PPRC1: variants seen among roughly 807,000 people sequenced by gnomAD.
PPRC1 encodes the protein peroxisome proliferator-activated receptor gamma coactivator-related protein 1.
Under a neutral mutation model 132.5 loss-of-function variants are expected in PPRC1, and 23 were observed. The ratio of observed to expected loss-of-function variants is 0.17; its 90% CI spans 0.12 to 0.25. The LOEUF is 0.25. PPRC1 is among the 10% of genes least tolerant of loss of function. The pLI, the probability that PPRC1 is intolerant of heterozygous loss-of-function variation, is 1.00. For synonymous variants in PPRC1, 872 were observed against 833.5 expected, an observed-to-expected ratio of 1.05 and a Z score of -0.80; for missense variants, 2,006 against 2,089.1, an observed-to-expected ratio of 0.96 and a Z score of 0.78.
At chr10:102,123,297 G>A in the PPRC1 span, among the ~76,000 whole-genome samples, 3 of 152,126 alleles carry the variant, frequency 2.0e-5, no homozygotes, top group Non-Finnish European at 4.4e-5. Flanking sequence ...CATCTTTGGA[G>A]CATCTCTGGG....
intron 5 of PPRC1, 51 bp downstream of exon 5, chr10:102,142,055 C>G (rs937711489): frequency 1.9e-6 from 3 of 1,539,122 alleles, no homozygotes; most frequent in Non-Finnish European, 2.6e-6. Flanking sequence ...CTGGGGGACT[C>G]TAGAATAGGA....
intron 1 of PPRC1, 71 bp from the exon 2 acceptor site, chr10:102,137,779 C>T (rs1472833425): frequency 2.1e-5 from 31 of 1,459,280 alleles, no homozygotes; most frequent in Non-Finnish European, 2.9e-5. Context: ...TGGAGGGTAC[C>T]TGATTTATGG....
chr10:102,146,906 C>G lies in PPRC1; in HGVS notation c.3914C>G (p.Pro1305Arg). The change falls in exon 9 of 14, where the codon CCC becomes CGC. Residue 1305 changes from proline (P) to arginine (R), a missense_variant. Around this residue, in one of 2 missense-constraint regions of PPRC1, gnomAD observed 1,914 missense variants for 1,917.2 expected, o/e 1.00. Coordinates refer to ENST00000278070, the MANE Select transcript of PPRC1 (RefSeq NM_015062.5). ...GACTATTGTGTCCGGAGCAGGACCC[C>G]CCCAAAAAAGATGCCTGCCCTAGTC... is the stretch of plus-strand genomic sequence containing the variant. ...DHDYCVRSRT[P>R]PKKMPALVIP... 1.9e-6 allele frequency: 3 copies of G among 1,614,050 alleles called. No individual in the cohort carries two copies. The highest frequency in any genetic ancestry group is 2.5e-6 in the Non-Finnish European group (3 of 1,179,988).
In PPRC1 at chr10:102,141,706, G is replaced by C. The variant is rs147391687; in HGVS notation, c.3198G>C (p.Pro1066=). ...EVKPVPASPH[P]KHKVSALVQS... ...AGCCAGTGCCTGCATCTCCCCATCC[G>C]AAACACAAGGTGTCTGCCCTGGTGC... The change falls in exon 5 of 14, where the codon CCG becomes CCC. Residue 1066 remains proline, a synonymous_variant. Transcript: ENST00000278070. The C allele has an allele frequency of 6.2e-7, 1 of 1,613,888 alleles. No homozygotes were observed. Among genetic ancestry groups the C allele is most frequent in the East Asian group, 2.2e-5 (1 of 44,874 alleles).
rs1002796581 is a variant in PPRC1 at position 102,140,283 on chromosome 10, C to T, written c.1775C>T (p.Ala592Val). 5 of 1,614,228 alleles carry T rather than the reference C, an allele frequency of 3.1e-6. No individual in the cohort carries two copies. The highest frequency in any genetic ancestry group is 3.4e-6 in the Non-Finnish European group (4 of 1,180,036). ...CCCATGCCAGTTGACTCTGTTGAAGCTGATCCCACTGCAGTTGGCCCTGTT... is the reference window on the plus strand; with the variant it reads ...CCCATGCCAGTTGACTCTGTTGAAGTTGATCCCACTGCAGTTGGCCCTGTT... ...ASPMPVDSVEADPTAVGPVLA... is the reference protein window; with the variant it reads ...ASPMPVDSVEVDPTAVGPVLA... The change falls in exon 5 of 14, where the codon GCT (alanine) becomes GTT (valine). Residue 592 changes from alanine to valine, a missense_variant. This residue lies in a region of PPRC1 where 1,914 missense variants were observed against 1,917.2 expected (regional missense o/e 1.00). Transcript: ENST00000278070.
Position 102,139,332 on chromosome 10 carries a change from C to G in PPRC1, c.824C>G (p.Pro275Arg), listed in dbSNP as rs780690524. The part of the protein sequence containing the change: ...DNCVSSIPDF[P>R]MHLACPEEED... The stretch of plus-strand genomic sequence containing the variant: ...TGTGTGAGCAGTATCCCGGACTTCC[C>G]CATGCATTTGGCCTGCCCTGAGGAG... The change falls in exon 5 of 14, where the codon CCC (proline) becomes CGC (arginine). Residue 275 changes from proline (P) to arginine (R), a missense_variant. Pro to Arg is a moderately radical substitution (Grantham distance 103). Transcript: ENST00000278070. 2.5e-6 allele frequency: 4 copies of G among 1,614,060 alleles called. No individual in the cohort carries two copies. Among genetic ancestry groups the G allele is most frequent in the Non-Finnish European group, 2.5e-6 (3 of 1,180,026 alleles).
upstream of PPRC1, among the ~76,000 whole-genome samples, chr10:102,128,091 T>C (rs1003078693): frequency 6.6e-6 from 1 of 151,658 alleles, no homozygotes; most frequent in African/African-American, 2.4e-5. Flanking sequence ...CTCACTGTCA[T>C]GGTTGTTGGC....
chr10:102,138,029 C>G lies in PPRC1; in HGVS notation c.333C>G (p.Ser111Arg), dbSNP rs774711109. 1 of 1,613,356 alleles carries G rather than the reference C, an allele frequency of 6.2e-7. No individual in the cohort carries two copies. Residue 111 changes from serine (S) to arginine (R), a missense_variant, in exon 2 of 14, where the codon AGC becomes AGG. By Grantham distance (110) the Ser-to-Arg change is moderately radical. Transcript: ENST00000278070. ...TCTCCCTCATTGAGGATTTTGGGAG[C>G]CTTGGAGAGGTGAGCTGGGGCTGGA... ...SLISLIEDFG[S>R]LGESRLSLED...
intron 6 of PPRC1, among the ~76,000 whole-genome samples, chr10:102,143,840 ATCT>A (rs1283448931): frequency 6.6e-6 from 1 of 152,208 alleles, no homozygotes; most frequent in Non-Finnish European, 1.5e-5. Context: ...GGAGGACACT[ATCT>A]TCTTCTCAAG....
Position 102,141,300 on chromosome 10 carries a change from C to T in PPRC1, c.2792C>T (p.Pro931Leu). 7 of 1,614,082 alleles carry T rather than the reference C, an allele frequency of 4.3e-6. No homozygotes were observed. The highest frequency in any genetic ancestry group is 5.9e-6 in the Non-Finnish European group (7 of 1,179,962). Residue 931 changes from proline (P) to leucine (L), a missense_variant, in exon 5 of 14, where the codon CCT becomes CTT. Transcript: ENST00000278070. Reference protein sequence around the residue: ...PSWPCYPHVSPSGYPCLPPPP... With the variant: ...PSWPCYPHVSLSGYPCLPPPP... ...TGGCCTTGTTATCCTCATGTGTCCCCTTCTGGCTATCCTTGCCTGCCCCCC... is the reference window on the plus strand; with the variant it reads ...TGGCCTTGTTATCCTCATGTGTCCCTTTCTGGCTATCCTTGCCTGCCCCCC...
At chr10:102,133,515 A>G (rs1162971062) in intron 1 of PPRC1, among the ~76,000 whole-genome samples, 1 of 152,072 alleles carries the variant, frequency 6.6e-6, no homozygotes, top group Non-Finnish European at 1.5e-5. Context: ...ACCTCCATGT[A>G]AGGATGCCCA....
At chr10:102,127,831 C>T in the PPRC1 span, among the ~76,000 whole-genome samples, 9 of 152,086 alleles carry the variant, frequency 5.9e-5, no homozygotes, top group Admixed American at 1.3e-4. Flanking sequence ...GGATTACAGG[C>T]GTGAGCCACC....
upstream of PPRC1, among the ~76,000 whole-genome samples, chr10:102,130,429 A>C (rs1437390551): frequency 1.7e-4 from 25 of 144,056 alleles, no homozygotes; most frequent in African/African-American, 1.6e-4. Flanking sequence ...AAAAAAAAAA[A>C]AAAAAAAAAA....
In PPRC1 at chr10:102,140,681, G is replaced by A; in HGVS notation, c.2173G>A (p.Glu725Lys). Residue 725 changes from glutamate (E) to lysine (K), a missense_variant, in exon 5 of 14, where the codon GAA becomes AAA. By Grantham distance (56) the Glu-to-Lys change is moderately conservative. Around this residue, in one of 2 missense-constraint regions of PPRC1, gnomAD observed 1,914 missense variants for 1,917.2 expected, o/e 1.00. Transcript: ENST00000278070. ...SLDPPKTIIP[E>K]VKEVVDSLKI... ...GGACCCACCAAAGACCATCATCCCT[G>A]AAGTCAAAGAGGTTGTGGATTCTCT... 6.2e-7 allele frequency: 1 copy of A among 1,614,050 alleles called. No individual in the cohort carries two copies. The highest frequency in any genetic ancestry group is 8.5e-7 in the Non-Finnish European group (1 of 1,179,998).
chr10:102,120,846 C>G, the PPRC1 span, among the ~76,000 whole-genome samples: 4 of 151,988 alleles, frequency 2.6e-5, no homozygotes, highest in Non-Finnish European at 5.9e-5. Context: ...TGTGGTGTAT[C>G]TCTCTCCACC....
At chr10:102,125,115 C>G in the PPRC1 span, among the ~76,000 whole-genome samples, 4 of 152,052 alleles carry the variant, frequency 2.6e-5, no homozygotes, top group African/African-American at 9.7e-5. Context: ...ATTTTTGAGA[C>G]AGAGTCTCGC....
rs1468947256 is a variant in PPRC1, at chr10:102,146,677, A to C, written c.3685A>C (p.Thr1229Pro). ...ATCCTCCCTCCCCACCACAGGGCTC[A>C]CCCCTCCAGCTACCCCTCCCCACCA... Reference protein sequence around the residue: ...APELANVAGLTPPATPPHQLW... With the variant: ...APELANVAGLPPPATPPHQLW... The change falls in exon 9 of 14, where the codon ACC becomes CCC. Residue 1229 changes from threonine to proline, a missense_variant. Physicochemically the swap from Thr to Pro is conservative, Grantham distance 38. This residue lies in a region of PPRC1 where 1,914 missense variants were observed against 1,917.2 expected (regional missense o/e 1.00). Coordinates refer to ENST00000278070, the MANE Select transcript of PPRC1 (RefSeq NM_015062.5). 1.9e-6 allele frequency: 3 copies of C among 1,607,204 alleles called. No homozygotes were observed. Among genetic ancestry groups the C allele is most frequent in the Non-Finnish European group, 2.5e-6 (3 of 1,176,986 alleles).
Position 102,141,712 on chromosome 10 carries a change from C to T in PPRC1, c.3204C>T (p.His1068=). Residue 1068 remains histidine (H), a synonymous_variant, in exon 5 of 14, where the codon CAC becomes CAT. Transcript: ENST00000278070. ...KPVPASPHPK[H]KVSALVQSPQ... is the part of the protein sequence containing the mutation. The stretch of plus-strand genomic sequence containing the variant: ...TGCCTGCATCTCCCCATCCGAAACA[C>T]AAGGTGTCTGCCCTGGTGCAAAGTC... 1 of 1,614,032 alleles carries T rather than the reference C, an allele frequency of 6.2e-7. No homozygotes were observed. Among genetic ancestry groups the T allele is most frequent in the Non-Finnish European group, 8.5e-7 (1 of 1,179,930 alleles).
chr10:102,137,767 A>C, intron 1 of PPRC1, 83 bp from the exon 2 acceptor site: 2 of 1,348,202 alleles, frequency 1.5e-6, no homozygotes, highest in Non-Finnish European at 1.0e-6. Flanking sequence ...TGGCCCCAGC[A>C]GTGGAGGGTA....
Sources: gnomAD v4.1 joint callset for allele counts (sites outside exome capture counted in the v4.1 genomes callset) on GRCh38, gnomAD v4.1.1 for gene constraint, gnomAD v4.1.1 regional missense constraint, MANE v1.5 for transcripts, NCBI Gene and HGNC (gene_info 2026-07-23, HGNC 2026-07-21) for gene names.